The following LRRC4C variants were observed in gnomAD, a reference collection of about 807,000 sequenced individuals.
The protein encoded by LRRC4C is leucine-rich repeat-containing protein 4C.
A neutral mutation model predicts 33.6 loss-of-function variants in LRRC4C; 5 were observed. The observed-to-expected ratio is 0.15, with a 90% CI of 0.08 to 0.31. The LOEUF is 0.31. Among genes scored for constraint, LRRC4C ranks in the 10% least tolerant of loss-of-function variants. The pLI is 1.00. For missense variants in LRRC4C, 560 were observed against 796.7 expected (o/e 0.70, Z 3.58); for synonymous variants, 329 against 302.0 (o/e 1.09, Z -0.93).
intron 1 of LRRC4C, among the ~76,000 whole-genome samples, chr11:41,193,598 A>G (rs1159648824): frequency 6.6e-6 from 1 of 152,146 alleles, no homozygotes; most frequent in African/African-American, 2.4e-5. Context: ...CAATCATGAA[A>G]TGAGTGAAGG....
At chr11:40,561,713 G>A (rs574390842) in intron 3 of LRRC4C, among the ~76,000 whole-genome samples, 70 of 152,060 alleles carry the variant, frequency 4.6e-4, no homozygotes, top group Admixed American at 1.4e-3. Flanking sequence ...CGCCCGGCCC[G>A]TTGTTGTTGT....
Position 41,019,169 on chromosome 11 carries a change from C to T in LRRC4C, c.-495-85446G>A, listed in dbSNP as rs1190366899. 2.6e-5 allele frequency among the ~76,000 whole-genome samples: 4 copies of T among 152,004 alleles called. 1 individual carries two copies. The highest frequency in any genetic ancestry group is 4.4e-5 in the Non-Finnish European group (3 of 67,998). The stretch of plus-strand genomic sequence containing the variant: ...ATTGACCTGTCCTCTAAGTTCCCTC[C>T]CCTCACCCCCACCCCGCAACAGGCC... On this transcript the variant is annotated intron_variant, in intron 1 of 6. Transcript: ENST00000528697.
chr11:40,215,419 A>G (rs1261937097), intron 5 of LRRC4C, among the ~76,000 whole-genome samples: 2 of 152,036 alleles, frequency 1.3e-5, no homozygotes, highest in Non-Finnish European at 2.9e-5. Context: ...CACATCCACA[A>G]TTTTACCATT....
chr11:40,123,019 T>C (rs1049278536), intron 6 of LRRC4C, among the ~76,000 whole-genome samples: 4 of 149,292 alleles, frequency 2.7e-5, no homozygotes, highest in Non-Finnish European at 5.9e-5. Context: ...TGGGAGAGAC[T>C]GACCCCAGTA....
rs1246806581 is a variant in LRRC4C at position 40,490,894 on chromosome 11, T to C, written c.-270+157248A>G. Among the ~76,000 whole-genome samples, 8 of 152,136 alleles carry C rather than the reference T, an allele frequency of 5.3e-5. No homozygotes were observed. The East Asian group carries it at 1.5e-3, about 29-fold the overall frequency. ...AAAGAGTATCATTTTCTTTCTGACA[T>C]ATGGATTACTCCTGAGTGACTGTAC... On this transcript the variant is annotated intron_variant, in intron 3 of 6. Transcript: ENST00000528697.
chr11:40,673,417 A>T (rs1228327861), intron 2 of LRRC4C, among the ~76,000 whole-genome samples: 1 of 152,210 alleles, frequency 6.6e-6, no homozygotes, highest in Admixed American at 6.5e-5. Flanking sequence ...ATCTTATTCT[A>T]CAGGCCATAA....
At chr11:41,424,780 G>A (rs1288306025) in intron 1 of LRRC4C, among the ~76,000 whole-genome samples, 1 of 152,058 alleles carries the variant, frequency 6.6e-6, no homozygotes, top group African/African-American at 2.4e-5. Context: ...AAGCTATCTT[G>A]AGAGTCTTTT....
chr11:41,238,041 C>T (rs1948097898), intron 1 of LRRC4C, among the ~76,000 whole-genome samples: 1 of 146,560 alleles, frequency 6.8e-6, no homozygotes, highest in Non-Finnish European at 1.5e-5. Flanking sequence ...TCAACTGTCA[C>T]TCTTTTCCTA....
intron 2 of LRRC4C, among the ~76,000 whole-genome samples, chr11:40,844,753 G>A (rs10837507): frequency 0.92 from 140,315 of 152,174 alleles, 64,768 homozygotes; most frequent in East Asian, 1. Context: ...TTTATAGGTA[G>A]CTAAAATGTT....
chr11:40,570,572 G>C (rs1200937745), intron 3 of LRRC4C, among the ~76,000 whole-genome samples: 1 of 152,152 alleles, frequency 6.6e-6, no homozygotes, highest in Non-Finnish European at 1.5e-5. Flanking sequence ...CATTTAAGGG[G>C]TGAAGAAAAT....
At chr11:40,221,032 T>G (rs1864376201) in intron 5 of LRRC4C, among the ~76,000 whole-genome samples, 2 of 152,028 alleles carry the variant, frequency 1.3e-5, no homozygotes, top group South Asian at 4.1e-4. Flanking sequence ...TCGGCCACCA[T>G]GCCCAGCTAA....
chr11:41,391,158 T>C (rs1455381035), intron 1 of LRRC4C, among the ~76,000 whole-genome samples: 1 of 151,852 alleles, frequency 6.6e-6, no homozygotes, highest in Non-Finnish European at 1.5e-5. Flanking sequence ...TAGGTTATAT[T>C]ATAAATTTGG....
At chr11:41,009,177 A>C (rs968443080) in intron 1 of LRRC4C, among the ~76,000 whole-genome samples, 3 of 152,022 alleles carry the variant, frequency 2.0e-5, no homozygotes, top group Non-Finnish European at 2.9e-5. Flanking sequence ...ATATTTTCTG[A>C]TATATGTAGT....
intron 3 of LRRC4C, among the ~76,000 whole-genome samples, chr11:40,614,564 C>T (rs1347903992): frequency 8.5e-6 from 1 of 117,646 alleles, no homozygotes; most frequent in Non-Finnish European, 2.0e-5. Context: ...TTTTCTTCAA[C>T]GACTTTTTTT....
chr11:40,836,805 T>C (rs1010035780), intron 2 of LRRC4C, among the ~76,000 whole-genome samples: 1 of 152,180 alleles, frequency 6.6e-6, no homozygotes, highest in African/African-American at 2.4e-5. Flanking sequence ...AGATAAAGTA[T>C]AGAAAGTCCC....
chr11:40,481,065 T>TA lies in LRRC4C; in HGVS notation c.-269-161345dup, dbSNP rs199804804. Among the ~76,000 whole-genome samples, 316 of 136,674 alleles carry TA rather than the reference T, an allele frequency of 2.3e-3. 1 individual carries two copies. The highest frequency in any genetic ancestry group is 3.7e-3 in the African/African-American group (139 of 37,374). 89.7% of individuals were successfully genotyped at this position (136,674 alleles called of 152,430 possible). A position where few individuals can be genotyped will look rare whatever the true frequency, so the allele number is the denominator to read the frequency against. On this transcript the variant is annotated intron_variant, in intron 3 of 6. Coordinates refer to ENST00000528697, the MANE Select transcript of LRRC4C (RefSeq NM_001258419.2). ...ATAGAAATAAAATGTTTTACAACAG[T>TA]AAAAAAAAAAAAAGAAAATATCTGC...
chr11:41,437,706 T>C (rs1171297177), intron 1 of LRRC4C, among the ~76,000 whole-genome samples: 1 of 152,186 alleles, frequency 6.6e-6, no homozygotes, highest in South Asian at 2.1e-4. Flanking sequence ...CCTGACTTTT[T>C]TGCGCTAAAG....
At chr11:40,385,785 T>A (rs1039005925) in intron 3 of LRRC4C, among the ~76,000 whole-genome samples, 1 of 151,624 alleles carries the variant, frequency 6.6e-6, no homozygotes, top group African/African-American at 2.4e-5. Context: ...GAGAATCACT[T>A]GAACACGGAA....
intron 1 of LRRC4C, among the ~76,000 whole-genome samples, chr11:41,116,947 T>G (rs1439427081): frequency 1.3e-5 from 2 of 152,188 alleles, no homozygotes; most frequent in African/African-American, 4.8e-5. Context: ...GCAATGTGAC[T>G]GCAGCTCTCA....
Sources: gnomAD v4.1 joint callset for allele counts (sites outside exome capture counted in the v4.1 genomes callset) on GRCh38, gnomAD v4.1.1 for gene constraint, MANE v1.5 for transcripts, NCBI Gene and HGNC (gene_info 2026-07-23, HGNC 2026-07-21) for gene names.